SGCD: variants seen among roughly 807,000 people sequenced by gnomAD.
SGCD encodes delta-sarcoglycan.
SGCD carries 18 observed loss-of-function variants against 36.6 expected under a neutral mutation model. The ratio of observed to expected loss-of-function variants is 0.49; its 90% CI spans 0.34 to 0.73. The LOEUF (loss-of-function observed/expected upper bound fraction) is 0.73, where lower values mean the gene tolerates loss of function less well. Among genes scored for constraint, SGCD ranks in the 30% least tolerant of loss-of-function variants. The pLI is 0.01. For synonymous variants in SGCD, 133 were observed against 130.6 expected (o/e 1.02, Z -0.12); for missense variants, 387 against 346.7 (o/e 1.12, Z -0.92).
intron 6 of SGCD, among the ~76,000 whole-genome samples, chr5:156,642,573 A>G (rs749979689): frequency 2.0e-5 from 3 of 150,072 alleles, no homozygotes; most frequent in African/African-American, 4.9e-5. Context: ...GGTTCAAGCA[A>G]TTCTCCTGCC....
chr5:156,595,927 G>A (rs962803081), intron 6 of SGCD, among the ~76,000 whole-genome samples: 3 of 152,184 alleles, frequency 2.0e-5, no homozygotes, highest in Non-Finnish European at 1.5e-5. Context: ...ATGGCTGTAT[G>A]CTGAAATGAT....
At chr5:155,746,532 C>G in the SGCD span, among the ~76,000 whole-genome samples, 9 of 152,292 alleles carry the variant, frequency 5.9e-5, no homozygotes, top group African/African-American at 1.9e-4. Context: ...AGCCAATAGC[C>G]TTGAGAGTTC....
chr5:156,545,725 T>C (rs191464836), intron 4 of SGCD, among the ~76,000 whole-genome samples: 12 of 152,296 alleles, frequency 7.9e-5, no homozygotes, highest in Admixed American at 4.6e-4. Context: ...TGTACCCGTC[T>C]TCGGCCTGGG....
At chr5:156,172,059 G>C (rs1763358054) in intron 3 of SGCD, among the ~76,000 whole-genome samples, 1 of 152,134 alleles carries the variant, frequency 6.6e-6, no homozygotes, top group South Asian at 2.1e-4. Flanking sequence ...AAGGCAGGTG[G>C]ATCACCTGAG....
At chr5:156,552,333 C>T (rs546897387) in intron 4 of SGCD, among the ~76,000 whole-genome samples, 20 of 152,202 alleles carry the variant, frequency 1.3e-4, no homozygotes, top group East Asian at 9.6e-4. Flanking sequence ...AGATGTGAAA[C>T]GGAGTCTGAA....
chr5:156,548,132 T>C (rs532901916), intron 4 of SGCD, among the ~76,000 whole-genome samples: 2 of 152,312 alleles, frequency 1.3e-5, no homozygotes, highest in South Asian at 4.1e-4. Context: ...AGTGAGAATG[T>C]TTCTCTCCCA....
chr5:156,622,967 G>A (rs2113505119), intron 6 of SGCD, among the ~76,000 whole-genome samples: 1 of 152,144 alleles, frequency 6.6e-6, no homozygotes, highest in Non-Finnish European at 1.5e-5. Flanking sequence ...ATGTCAAGGA[G>A]CCATATTTTG....
intron 4 of SGCD, among the ~76,000 whole-genome samples, chr5:156,513,880 A>T (rs749939389): frequency 6.6e-6 from 1 of 152,230 alleles, no homozygotes; most frequent in Non-Finnish European, 1.5e-5. Flanking sequence ...GTGGTAAAGT[A>T]TCATGCTGTC....
At chr5:155,827,845 A>ATTTTTTTTTTTTTTTTTTTTTT in the SGCD span, among the ~76,000 whole-genome samples, 1 of 124,934 alleles carries the variant, frequency 8.0e-6, no homozygotes. Context: ...CACCTGGCTA[A>ATTTTTTTTTTTTTTTTTTTTTT]TTTTTTTTTT....
At chr5:155,942,229 G>A (rs1177081367) in intron 1 of SGCD, among the ~76,000 whole-genome samples, 1 of 152,126 alleles carries the variant, frequency 6.6e-6, no homozygotes, top group East Asian at 1.9e-4. Context: ...TGAAAGAGGG[G>A]TATGGCAGTG....
intron 7 of SGCD, among the ~76,000 whole-genome samples, chr5:156,711,878 G>A (rs758970236): frequency 6.6e-6 from 1 of 152,164 alleles, no homozygotes; most frequent in Non-Finnish European, 1.5e-5. Flanking sequence ...CTCCATAGAC[G>A]GAGCAGCCCT....
the SGCD span, among the ~76,000 whole-genome samples, chr5:155,737,291 GT>G: frequency 6.6e-6 from 1 of 152,076 alleles, no homozygotes; most frequent in African/African-American, 2.4e-5. Context: ...TGACACAAAA[GT>G]TTCAAAAAAT....
chr5:156,554,719 G>A (rs1758947102), intron 4 of SGCD, among the ~76,000 whole-genome samples: 1 of 151,406 alleles, frequency 6.6e-6, no homozygotes, highest in African/African-American at 2.4e-5. Context: ...ATCTTTGAAT[G>A]TATTCCCTGA....
the SGCD span, among the ~76,000 whole-genome samples, chr5:155,819,858 T>C: frequency 2.6e-5 from 4 of 152,220 alleles, no homozygotes; most frequent in Non-Finnish European, 4.4e-5. Flanking sequence ...TCTTGTGACC[T>C]CAACATTTTG....
the SGCD span, among the ~76,000 whole-genome samples, chr5:155,864,236 G>C: frequency 2.6e-5 from 4 of 152,334 alleles, no homozygotes; most frequent in African/African-American, 9.6e-5. Flanking sequence ...GACCAGGAGG[G>C]AGCGCAGTAG....
At chr5:155,973,110 G>A (rs903041040) in intron 1 of SGCD, among the ~76,000 whole-genome samples, 8 of 151,982 alleles carry the variant, frequency 5.3e-5, no homozygotes, top group South Asian at 2.1e-4. Flanking sequence ...AAGAATGTCC[G>A]AAAAAGTCTG....
intron 1 of SGCD, among the ~76,000 whole-genome samples, chr5:155,933,863 C>G (rs755845603): frequency 6.6e-6 from 1 of 152,096 alleles, no homozygotes; most frequent in Admixed American, 6.5e-5. Flanking sequence ...CAGAGAAGAC[C>G]GTCAGTTAAG....
chr5:156,148,226 T>C (rs893055289), intron 3 of SGCD, among the ~76,000 whole-genome samples: 1 of 152,144 alleles, frequency 6.6e-6, no homozygotes, highest in Non-Finnish European at 1.5e-5. Context: ...TATAACAAAA[T>C]ATGCCATGAT....
chr5:155,801,245 C>T, the SGCD span, among the ~76,000 whole-genome samples: 3 of 152,116 alleles, frequency 2.0e-5, no homozygotes, highest in African/African-American at 2.4e-5. Flanking sequence ...CATTTCTTGT[C>T]TTGTGAGTGT....
Sources: allele counts gnomAD v4.1 joint callset (sites outside exome capture counted in the v4.1 genomes callset), GRCh38; gene constraint gnomAD v4.1.1; transcripts MANE v1.5; gene names NCBI Gene and HGNC (gene_info 2026-07-23, HGNC 2026-07-21).